Variants in SLC35F3 observed in about 807,000 individuals in gnomAD.
The protein encoded by SLC35F3 is putative thiamine transporter SLC35F3.
A neutral mutation model predicts 49.9 loss-of-function variants in SLC35F3; 25 were observed. The ratio of observed to expected loss-of-function variants is 0.50; its 90% CI spans 0.37 to 0.70. The LOEUF is 0.70. SLC35F3 is among the 30% of genes least tolerant of loss of function. SLC35F3 has a pLI of 0.00. For missense variants in SLC35F3, 525 were observed against 639.8 expected (o/e 0.82, Z 1.94); for synonymous variants, 275 against 265.4 (o/e 1.04, Z -0.35).
Position 234,192,352 on chromosome 1 carries a change from A to T in SLC35F3, c.284-39065A>T, listed in dbSNP as rs530902563. On this transcript the variant is annotated intron_variant, in intron 2 of 7. Coordinates refer to ENST00000366618, the MANE Select transcript of SLC35F3 (RefSeq NM_173508.4). ...AAAGAGAATTAAAAACAAAAATCACATGATCATCTCAATAGATGCAGAAAA... is the reference window on the plus strand; with the variant it reads ...AAAGAGAATTAAAAACAAAAATCACTTGATCATCTCAATAGATGCAGAAAA... 2.0e-5 allele frequency among the ~76,000 whole-genome samples: 3 copies of T among 152,352 alleles called. No homozygotes were observed. In the South Asian group the frequency reaches 6.2e-4, roughly 32 times the overall value.
chr1:234,275,029 G>A (rs997759665), intron 3 of SLC35F3, among the ~76,000 whole-genome samples: 1 of 152,014 alleles, frequency 6.6e-6, no homozygotes. Flanking sequence ...GACATATATT[G>A]CCACAACCCT....
At chr1:234,036,170 C>T (rs1664139059) in intron 2 of SLC35F3, among the ~76,000 whole-genome samples, 1 of 152,160 alleles carries the variant, frequency 6.6e-6, no homozygotes, top group African/African-American at 2.4e-5. Flanking sequence ...TCAAGCAATC[C>T]TCCACCCTCA....
intron 3 of SLC35F3, among the ~76,000 whole-genome samples, chr1:234,293,583 C>A (rs1668542835): frequency 6.6e-6 from 1 of 152,180 alleles, no homozygotes. Flanking sequence ...CCATGGAAAT[C>A]CATCCAGCTC....
chr1:234,068,954 A>G lies in SLC35F3; in HGVS notation c.284-162463A>G, dbSNP rs555203745. Among the ~76,000 whole-genome samples the G allele has an allele frequency of 9.5e-3, 664 of 69,988 alleles. 15 individuals carry two copies. Among genetic ancestry groups the G allele is most frequent in the African/African-American group, 0.031 (617 of 20,046 alleles). 45.9% of individuals were successfully genotyped at this position (69,988 alleles called of 152,430 possible). ...ATATAAAATTATATAATTTTACTAC[A>G]TATAATATATAAAATTATATAATTT... On this transcript the variant is annotated intron_variant, in intron 2 of 7. Coordinates refer to ENST00000366618, the MANE Select transcript of SLC35F3 (RefSeq NM_173508.4).
At chr1:234,182,601 A>T (rs189614951) in intron 2 of SLC35F3, among the ~76,000 whole-genome samples, 38 of 152,308 alleles carry the variant, frequency 2.5e-4, no homozygotes, top group Non-Finnish European at 1.6e-4. Context: ...GGATAATTGG[A>T]GCAAAAGGTA....
chr1:234,274,023 T>C (rs1373852114), intron 3 of SLC35F3: 1 of 152,166 alleles, frequency 6.6e-6, no homozygotes, highest in Non-Finnish European at 1.5e-5. Flanking sequence ...AACTCCACTT[T>C]TAAAAGGAAA....
At chr1:233,964,960 T>C (rs555569285) in intron 2 of SLC35F3, among the ~76,000 whole-genome samples, 2 of 152,358 alleles carry the variant, frequency 1.3e-5, no homozygotes, top group Admixed American at 1.3e-4. Flanking sequence ...CCAAGATTCT[T>C]ATAAGTGATG....
At chr1:233,912,047 A>C (rs1309860764) in intron 2 of SLC35F3, among the ~76,000 whole-genome samples, 1 of 152,174 alleles carries the variant, frequency 6.6e-6, no homozygotes, top group African/African-American at 2.4e-5. Flanking sequence ...TTTGTTAAGC[A>C]TTTTACTGTA....
In SLC35F3 at chr1:234,182,615, T is replaced by G. The variant is rs370863983; in HGVS notation, c.284-48802T>G. Among the ~76,000 whole-genome samples, 44 of 152,302 alleles carry G rather than the reference T, an allele frequency of 2.9e-4. No individual in the cohort carries two copies. The East Asian group carries it at 3.1e-3, about 11-fold the overall frequency. On this transcript the variant is annotated intron_variant, in intron 2 of 7. Coordinates refer to ENST00000366618, the MANE Select transcript of SLC35F3 (RefSeq NM_173508.4). ...AGGATAATTGGAGCAAAAGGTAAAT[T>G]TATACATCATTTTTCTGGACAATGC...
At chr1:234,316,877 C>T in intron 5 of SLC35F3, 150 bp downstream of exon 5, 2 of 1,051,650 alleles carry the variant, frequency 1.9e-6, no homozygotes, top group Non-Finnish European at 2.7e-6. Context: ...GTCAACTGTG[C>T]AACAGGCAGA....
intron 3 of SLC35F3, among the ~76,000 whole-genome samples, chr1:234,244,350 C>T (rs1667598709): frequency 6.6e-6 from 1 of 152,140 alleles, no homozygotes; most frequent in African/African-American, 2.4e-5. Flanking sequence ...TTGCACAGTG[C>T]CCGGTGGGGT....
At chr1:234,134,732 T>C (rs903885899) in intron 2 of SLC35F3, among the ~76,000 whole-genome samples, 1 of 152,010 alleles carries the variant, frequency 6.6e-6, no homozygotes, top group Non-Finnish European at 1.5e-5. Flanking sequence ...GTTTTTTGGT[T>C]TGTTTTTTTG....
intron 2 of SLC35F3, among the ~76,000 whole-genome samples, chr1:233,912,298 T>C (rs1273613378): frequency 5.3e-5 from 8 of 151,926 alleles, no homozygotes; most frequent in Non-Finnish European, 1.2e-4. Context: ...GCCAAGATGG[T>C]GAAACCCCGT....
chr1:234,015,706 A>G (rs1011625803), intron 2 of SLC35F3, among the ~76,000 whole-genome samples: 12 of 152,200 alleles, frequency 7.9e-5, no homozygotes, highest in African/African-American at 2.4e-4. Flanking sequence ...CTGTAAAACT[A>G]TAAGAAGAAG....
At position 234,295,585 on chromosome 1, in the gene SLC35F3, T is replaced by C. The variant is rs372984750; in HGVS notation, c.609-13516T>C. Among the ~76,000 whole-genome samples, 12 of 152,334 alleles carry C rather than the reference T, an allele frequency of 7.9e-5. No homozygotes were observed. The South Asian group carries it at 2.5e-3, about 32-fold the overall frequency. On this transcript the variant is annotated intron_variant, in intron 3 of 7. Coordinates refer to ENST00000366618, the MANE Select transcript of SLC35F3 (RefSeq NM_173508.4). Reference sequence around the variant, plus strand: ...GTTTGGAATTTTCATTGGTTGTCTTTCCACACTGTTAGAATCCTAGATCCC... The same window carrying C: ...GTTTGGAATTTTCATTGGTTGTCTTCCCACACTGTTAGAATCCTAGATCCC...
intron 2 of SLC35F3, among the ~76,000 whole-genome samples, chr1:234,194,542 T>C (rs1305698570): frequency 6.6e-6 from 1 of 152,026 alleles, no homozygotes; most frequent in Non-Finnish European, 1.5e-5. Flanking sequence ...AAATCACCAC[T>C]AAAGGACTTA....
chr1:234,161,609 A>G (rs1331276038), intron 2 of SLC35F3, among the ~76,000 whole-genome samples: 1 of 152,082 alleles, frequency 6.6e-6, no homozygotes, highest in Non-Finnish European at 1.5e-5. Context: ...AAAATTTTCC[A>G]GTTGCTAGCA....
chr1:233,911,045 C>A (rs1661866039), intron 2 of SLC35F3, among the ~76,000 whole-genome samples: 1 of 152,102 alleles, frequency 6.6e-6, no homozygotes, highest in Non-Finnish European at 1.5e-5. Context: ...CACTGAATAA[C>A]ACACCTGGTG....
At chr1:233,905,369 C>T (rs866729670) in intron 1 of SLC35F3, among the ~76,000 whole-genome samples, 160 bp from the exon 2 acceptor site, 93 of 152,152 alleles carry the variant, frequency 6.1e-4, no homozygotes, top group African/African-American at 2.1e-3. Context: ...GGGTGAGTGG[C>T]GGCGGGAAGG....
Sources: gnomAD v4.1 joint callset for allele counts (sites outside exome capture counted in the v4.1 genomes callset) on GRCh38, gnomAD v4.1.1 for gene constraint, MANE v1.5 for transcripts, NCBI Gene and HGNC (gene_info 2026-07-23, HGNC 2026-07-21) for gene names.